COL5A1: variants seen among roughly 807,000 people sequenced by gnomAD.
COL5A1 encodes the protein collagen alpha-1(V) chain.
In COL5A1, 16 loss-of-function variants were observed where a neutral mutation model predicts 263.7. The ratio of observed to expected loss-of-function variants is 0.06; its 90% CI spans 0.04 to 0.09. COL5A1 has a LOEUF of 0.09. Ranked by LOEUF, COL5A1 falls within the 10% of genes least tolerant of loss-of-function variation. The probability of loss-of-function intolerance (pLI) is 1.00; values close to 1 mark genes in which losing one functional copy is unlikely to be tolerated. For missense variants in COL5A1, 2,036 were observed against 2,540.5 expected (o/e 0.80, Z 4.27); for synonymous variants, 1,012 against 1,004.5 (o/e 1.01, Z -0.14).
At chr9:134,646,158 G>A (rs893716315) in intron 1 of COL5A1, among the ~76,000 whole-genome samples, 3 of 152,142 alleles carry the variant, frequency 2.0e-5, no homozygotes, top group Non-Finnish European at 4.4e-5. Context: ...CACCTGGGTC[G>A]GGCCTATCTT....
rs1169986143 is a variant in COL5A1 at position 134,758,783 on chromosome 9, C to T, written c.1935+487C>T. Among the ~76,000 whole-genome samples, 2 of 152,110 alleles carry T rather than the reference C, an allele frequency of 1.3e-5. No homozygotes were observed. The highest frequency in any genetic ancestry group is 4.8e-5 in the African/African-American group (2 of 41,400). ...TGTCCCCCTGTTCCCTGTTAATGGG[C>T]GTGGATGAATTTGAAAGTGTGTCCC... On this transcript the variant is annotated intron_variant, in intron 18 of 65. Transcript: ENST00000371817. This position sits in a 1 kb window ranked among gnomAD's most constrained non-coding sequence, Gnocchi z 4.1.
chr9:134,700,249 C>CGG lies in COL5A1; in HGVS notation c.491+128_491+129insGG, dbSNP rs1833622277. 8.0e-6 allele frequency: 7 copies of CGG among 871,426 alleles called. 1 individual carries two copies. In the South Asian group the frequency reaches 1.1e-4, roughly 14 times the overall value. The allele number at this position is 871,426 out of a possible 1,614,324, so 54.0% of individuals were successfully genotyped here. A position where few individuals can be genotyped will look rare whatever the true frequency, so the allele number is the denominator to read the frequency against. On this transcript the variant is annotated intron_variant, in intron 3 of 65. Coordinates refer to ENST00000371817, the MANE Select transcript of COL5A1 (RefSeq NM_000093.5). This position sits in a 1 kb window ranked among gnomAD's most constrained non-coding sequence, Gnocchi z 4.0. ...CCGGTACTGAGACTCCCACAGACGC[C>CGG]GCAGCAGAGGAGAGGGTGCTGGGCT...
intron 65 of COL5A1, among the ~76,000 whole-genome samples, chr9:134,838,377 T>C (rs1839915553): frequency 6.6e-6 from 1 of 152,234 alleles, no homozygotes; most frequent in Non-Finnish European, 1.5e-5. Context: ...GTTCACCTGC[T>C]GCAAGGGCAA....
At chr9:134,759,203 A>T (rs1836111673) in intron 18 of COL5A1, among the ~76,000 whole-genome samples, 2 of 149,384 alleles carry the variant, frequency 1.3e-5, no homozygotes, top group South Asian at 4.2e-4. Context: ...GTGAGTGCAC[A>T]CCCCCCATGC....
rs1031194110 is a variant in COL5A1, at chr9:134,680,196, G to T, written c.110-10716G>T. Among the ~76,000 whole-genome samples, 1 of 152,194 alleles carries T rather than the reference G, an allele frequency of 6.6e-6. No individual in the cohort carries two copies. The highest frequency in any genetic ancestry group is 2.4e-5 in the African/African-American group (1 of 41,438). On this transcript the variant is annotated intron_variant, in intron 1 of 65. Transcript: ENST00000371817. This position sits in a 1 kb window ranked among gnomAD's most constrained non-coding sequence, Gnocchi z 5.9. ...GCCATGAACAAGCGCAGTGCCTCTG[G>T]GTACCTCAGAGCCCACTCAGGGCAG...
At chr9:134,676,753 T>A (rs1021291127) in intron 1 of COL5A1, among the ~76,000 whole-genome samples, 1 of 152,260 alleles carries the variant, frequency 6.6e-6, no homozygotes, top group African/African-American at 2.4e-5. Flanking sequence ...TTAGTTGGTT[T>A]GTTCATTTGT....
At chr9:134,816,813 C>T (rs893337448) in intron 52 of COL5A1, among the ~76,000 whole-genome samples, 2 of 152,224 alleles carry the variant, frequency 1.3e-5, no homozygotes, top group African/African-American at 4.8e-5. Flanking sequence ...TTCCAAAATG[C>T]AGAAAACCCG....
chr9:134,681,174 G>T lies in COL5A1; in HGVS notation c.110-9738G>T, dbSNP rs183856083. Among the ~76,000 whole-genome samples, 10 of 152,234 alleles carry T rather than the reference G, an allele frequency of 6.6e-5. No individual in the cohort carries two copies. The highest frequency in any genetic ancestry group is 6.2e-4 in the South Asian group (3 of 4,832). On this transcript the variant is annotated intron_variant, in intron 1 of 65. Coordinates refer to ENST00000371817, the MANE Select transcript of COL5A1 (RefSeq NM_000093.5). The surrounding 1 kb of genome is among the most constrained non-coding windows in gnomAD (Gnocchi z 4.3). ...CCTGCCTTGCAGGGAGGGCTGGGGT[G>T]GGGGGGCCTCAGCCCTGGGCCAGAC...
chr9:134,825,756 ACT>A (rs1420783323), intron 62 of COL5A1, 34 bp from the exon 63 acceptor site: 2 of 1,407,572 alleles, frequency 1.4e-6, no homozygotes, highest in Non-Finnish European at 2.0e-6. Context: ...AATCCTTCTG[ACT>A]CTGCCTGCCT....
At chr9:134,718,752 C>G (rs1428558859) in intron 4 of COL5A1, among the ~76,000 whole-genome samples, 2 of 152,126 alleles carry the variant, frequency 1.3e-5, no homozygotes, top group Non-Finnish European at 2.9e-5. Flanking sequence ...GGCAGAGACT[C>G]AGGAGCCCCA....
chr9:134,810,489 C>G, intron 44 of COL5A1, 181 bp downstream of exon 44: 1 of 610,820 alleles, frequency 1.6e-6, no homozygotes, highest in Non-Finnish European at 2.9e-6. Flanking sequence ...GCGTGCATAT[C>G]TGGGAGTGAG....
intron 1 of COL5A1, among the ~76,000 whole-genome samples, chr9:134,656,195 T>C (rs569874081): frequency 6.6e-6 from 1 of 152,240 alleles, no homozygotes; most frequent in African/African-American, 2.4e-5. Context: ...CGGCTCCTCG[T>C]CCTGCCCGCC....
chr9:134,727,574 C>G (rs962331805), intron 5 of COL5A1, among the ~76,000 whole-genome samples, 177 bp downstream of exon 5: 4 of 152,172 alleles, frequency 2.6e-5, no homozygotes, highest in Non-Finnish European at 5.9e-5. Context: ...TAGCACTGCC[C>G]AGAATGATAG....
intron 9 of COL5A1, among the ~76,000 whole-genome samples, chr9:134,737,569 A>G (rs1202027289): frequency 3.3e-5 from 5 of 152,204 alleles, no homozygotes; most frequent in Non-Finnish European, 7.3e-5. Flanking sequence ...GTCGCCCTGA[A>G]GTCGTCATGG....
intron 1 of COL5A1, among the ~76,000 whole-genome samples, chr9:134,685,338 AT>A (rs1833004871): frequency 7.2e-6 from 1 of 139,380 alleles, no homozygotes; most frequent in Non-Finnish European, 1.5e-5. Flanking sequence ...CCATCTGTCC[AT>A]CCATCCATCC....
chr9:134,762,532 C>T (rs1466315062), intron 19 of COL5A1, among the ~76,000 whole-genome samples: 1 of 152,140 alleles, frequency 6.6e-6, no homozygotes. Flanking sequence ...TCTGCCACGC[C>T]GTCTTCATGT....
At chr9:134,725,430 A>G (rs1389726497) in intron 4 of COL5A1, among the ~76,000 whole-genome samples, 1 of 152,142 alleles carries the variant, frequency 6.6e-6, no homozygotes, top group Non-Finnish European at 1.5e-5. Flanking sequence ...AATCATTACT[A>G]TATTGGTCGG....
At chr9:134,788,434 A>G (rs1030378177) in intron 31 of COL5A1, among the ~76,000 whole-genome samples, 2 of 143,362 alleles carry the variant, frequency 1.4e-5, no homozygotes, top group African/African-American at 5.3e-5. Flanking sequence ...ATGAATGGTT[A>G]GGTGGGTAGG....
chr9:134,661,754 G>A (rs149583270), intron 1 of COL5A1, among the ~76,000 whole-genome samples: 1,711 of 152,082 alleles, frequency 0.011, 18 homozygotes, highest in Non-Finnish European at 0.016. Context: ...TTTAATTCTG[G>A]GATCAATCAT....
Sources: allele counts gnomAD v4.1 joint callset (sites outside exome capture counted in the v4.1 genomes callset), GRCh38; gene constraint gnomAD v4.1.1; non-coding constraint Gnocchi (gnomAD v3.1); transcripts MANE v1.5; gene names NCBI Gene and HGNC (gene_info 2026-07-23, HGNC 2026-07-21).